TMCC1: variants seen among roughly 807,000 people sequenced by gnomAD.
TMCC1 encodes transmembrane and coiled-coil domains protein 1.
Under a neutral mutation model 52.4 loss-of-function variants are expected in TMCC1, and 15 were observed. The observed-to-expected ratio is 0.29, with a 90% CI of 0.19 to 0.44. TMCC1 has a LOEUF of 0.44. Ranked by LOEUF, TMCC1 falls within the 20% of genes least tolerant of loss-of-function variation. The probability of loss-of-function intolerance (pLI) is 1.00; values close to 1 mark genes in which losing one functional copy is unlikely to be tolerated. For missense variants in TMCC1, 503 were observed against 806.0 expected (o/e 0.62, Z 4.55); for synonymous variants, 279 against 301.9 (o/e 0.92, Z 0.79).
chr3:129,782,924 G>A (rs543363165), intron 4 of TMCC1, among the ~76,000 whole-genome samples: 143 of 152,256 alleles, frequency 9.4e-4, no homozygotes, highest in African/African-American at 3.3e-3. Context: ...AACACTCAGC[G>A]AATTTAGAAA....
At chr3:129,673,619 G>A (rs1219043541) in intron 4 of TMCC1, among the ~76,000 whole-genome samples, 1 of 152,184 alleles carries the variant, frequency 6.6e-6, no homozygotes, top group East Asian at 1.9e-4. Context: ...GGGAGGCCAA[G>A]GCGGGAGGAT....
At chr3:129,652,982 C>T (rs948092063) in intron 6 of TMCC1, among the ~76,000 whole-genome samples, 18 of 152,220 alleles carry the variant, frequency 1.2e-4, no homozygotes, top group African/African-American at 4.3e-4. Context: ...CTTGTATTGG[C>T]TCAGAATAAA....
intron 4 of TMCC1, among the ~76,000 whole-genome samples, chr3:129,784,438 C>A (rs183651899): frequency 5.3e-5 from 8 of 151,558 alleles, no homozygotes; most frequent in Non-Finnish European, 8.9e-5. Context: ...CAGTGGCGGG[C>A]GCCTGTAGTT....
chr3:129,741,150 T>C (rs2051421755), intron 4 of TMCC1, among the ~76,000 whole-genome samples: 1 of 152,208 alleles, frequency 6.6e-6, no homozygotes, highest in South Asian at 2.1e-4. Flanking sequence ...CAGGAAGAAC[T>C]GGATTAGAAT....
chr3:129,890,699 C>G (rs766898827), intron 1 of TMCC1, among the ~76,000 whole-genome samples: 4 of 152,242 alleles, frequency 2.6e-5, no homozygotes, highest in Non-Finnish European at 5.9e-5. Flanking sequence ...TTTCCTCTTG[C>G]TCTTTCCCTC....
At chr3:129,854,601 A>G (rs182801835) in intron 2 of TMCC1, among the ~76,000 whole-genome samples, 151 of 152,130 alleles carry the variant, frequency 9.9e-4, no homozygotes, top group African/African-American at 3.4e-3. Flanking sequence ...GCTAGCCTTA[A>G]TTAGGTCCTT....
chr3:129,846,848 G>A (rs1345572655), intron 2 of TMCC1, among the ~76,000 whole-genome samples: 5 of 107,178 alleles, frequency 4.7e-5, no homozygotes, highest in Non-Finnish European at 6.8e-5. Flanking sequence ...GTGCAACATA[G>A]CAAGACCTCA....
intron 2 of TMCC1, among the ~76,000 whole-genome samples, chr3:129,840,296 C>T (rs1234817062): frequency 7.7e-6 from 1 of 130,186 alleles, no homozygotes; most frequent in Admixed American, 8.8e-5. Flanking sequence ...TACTGTACTC[C>T]AACCAGGGTG....
At chr3:129,748,552 T>G (rs975372535) in intron 4 of TMCC1, among the ~76,000 whole-genome samples, 13 of 152,174 alleles carry the variant, frequency 8.5e-5, no homozygotes, top group Middle Eastern at 3.4e-3. Flanking sequence ...CCTCCCAAAG[T>G]GCTGGGATTA....
intron 4 of TMCC1, among the ~76,000 whole-genome samples, chr3:129,759,943 G>C (rs943836443): frequency 1.3e-5 from 2 of 151,274 alleles, no homozygotes; most frequent in African/African-American, 4.9e-5. Flanking sequence ...GGATGGTCTC[G>C]ATCTCCTGAC....
At chr3:129,751,148 C>T (rs192394588) in intron 4 of TMCC1, among the ~76,000 whole-genome samples, 105 of 152,146 alleles carry the variant, frequency 6.9e-4, no homozygotes, top group African/African-American at 2.5e-3. Flanking sequence ...TTGCAGTGAG[C>T]TGAGATCCTG....
intron 4 of TMCC1, among the ~76,000 whole-genome samples, chr3:129,761,990 CAAA>C (rs1179793010): frequency 1.3e-5 from 1 of 76,032 alleles, no homozygotes; most frequent in Non-Finnish European, 2.2e-5. Flanking sequence ...GACTCTGTCT[CAAA>C]AAAAAAAAAA....
intron 4 of TMCC1, among the ~76,000 whole-genome samples, chr3:129,702,724 TAA>T (rs1406064428): frequency 6.6e-6 from 1 of 152,076 alleles, no homozygotes; most frequent in Non-Finnish European, 1.5e-5. Flanking sequence ...TGAAGATTGT[TAA>T]AAAAGAAAAA....
intron 4 of TMCC1, among the ~76,000 whole-genome samples, chr3:129,677,098 TAA>T (rs550686592): frequency 2.6e-4 from 37 of 140,974 alleles, no homozygotes; most frequent in Admixed American, 2.1e-4. Flanking sequence ...ACCCTGTCTC[TAA>T]AAAAAAAAAA....
At chr3:129,688,074 C>T (rs944577291) in intron 4 of TMCC1, 1 of 881,872 alleles carries the variant, frequency 1.1e-6, no homozygotes, top group Non-Finnish European at 1.4e-6. Flanking sequence ...TTCCATCAAA[C>T]ATGATTTTGC....
intron 4 of TMCC1, among the ~76,000 whole-genome samples, chr3:129,823,843 T>C (rs2058538234): frequency 6.6e-6 from 1 of 152,172 alleles, no homozygotes; most frequent in African/African-American, 2.4e-5. Context: ...AGTACCCAAA[T>C]CTCTGATGAA....
intron 4 of TMCC1, among the ~76,000 whole-genome samples, chr3:129,766,236 G>A (rs943589392): frequency 7.9e-5 from 12 of 152,182 alleles, no homozygotes; most frequent in Non-Finnish European, 1.5e-4. Context: ...GAATTGTTTA[G>A]TAGGCCTGAG....
At chr3:129,887,542 CAAA>C (rs368045992) in intron 1 of TMCC1, among the ~76,000 whole-genome samples, 2 of 91,322 alleles carry the variant, frequency 2.2e-5, no homozygotes. Context: ...CTCCGTCTCT[CAAA>C]AAAAAAAAAA....
intron 4 of TMCC1, among the ~76,000 whole-genome samples, chr3:129,809,562 T>A (rs2057682935): frequency 6.6e-6 from 1 of 152,078 alleles, no homozygotes; most frequent in Non-Finnish European, 1.5e-5. Flanking sequence ...TGTAATTTTT[T>A]AAATGGTACT....
Sources: allele counts gnomAD v4.1 joint callset (sites outside exome capture counted in the v4.1 genomes callset), GRCh38; gene constraint gnomAD v4.1.1; transcripts MANE v1.5; gene names NCBI Gene and HGNC (gene_info 2026-07-23, HGNC 2026-07-21).